Variants in GALNT7 observed in about 807,000 individuals in gnomAD.
GALNT7 encodes the protein N-acetylgalactosaminyltransferase 7.
Under a neutral mutation model 82.1 loss-of-function variants are expected in GALNT7, and 60 were observed. That is an observed-to-expected ratio of 0.73 (90% CI 0.59 to 0.91). The LOEUF (loss-of-function observed/expected upper bound fraction) is 0.91, where lower values mean the gene tolerates loss of function less well. Among genes scored for constraint, GALNT7 ranks in the 40% least tolerant of loss-of-function variants. The pLI is 0.00. For synonymous variants in GALNT7, 243 were observed against 275.1 expected, an observed-to-expected ratio of 0.88 and a Z score of 1.15; for missense variants, 660 against 804.2, an observed-to-expected ratio of 0.82 and a Z score of 2.17.
intron 2 of GALNT7, among the ~76,000 whole-genome samples, chr4:173,258,145 T>C (rs1398084127): frequency 6.6e-6 from 1 of 152,180 alleles, no homozygotes; most frequent in Non-Finnish European, 1.5e-5. Flanking sequence ...CTTATTTAAA[T>C]CAAATACAAA....
chr4:173,297,421 C>G (rs1205937068), intron 5 of GALNT7, among the ~76,000 whole-genome samples: 1 of 152,170 alleles, frequency 6.6e-6, no homozygotes, highest in East Asian at 1.9e-4. Flanking sequence ...CACACGCATG[C>G]ACACGCACAC....
chr4:173,184,894 A>G (rs1258995324), intron 1 of GALNT7, among the ~76,000 whole-genome samples: 1 of 152,204 alleles, frequency 6.6e-6, no homozygotes, highest in Non-Finnish European at 1.5e-5. Context: ...ACAGTTTTAC[A>G]TGATAACCAT....
In GALNT7 at chr4:173,215,232, C is replaced by CTT. The variant is rs571862059; in HGVS notation, c.127-32733_127-32732dup. 3.0e-3 allele frequency among the ~76,000 whole-genome samples: 422 copies of CTT among 139,870 alleles called. 3 individuals are homozygous for CTT. The highest frequency in any genetic ancestry group is 8.5e-3 in the African/African-American group (326 of 38,408). The allele number at this position is 139,870 out of a possible 152,430, so 91.8% of individuals were successfully genotyped here. A position where few individuals can be genotyped will look rare whatever the true frequency, so the allele number is the denominator to read the frequency against. The stretch of plus-strand genomic sequence containing the variant: ...ACCACCAACCTCTGCTCTTCTTCTT[C>CTT]TTTTTTTTTTTTTTTTGATATGGAG... On this transcript the variant is annotated intron_variant, in intron 1 of 11. Transcript: ENST00000265000.
intron 8 of GALNT7, among the ~76,000 whole-genome samples, chr4:173,313,146 T>C (rs752528490): frequency 6.6e-6 from 1 of 152,122 alleles, no homozygotes; most frequent in African/African-American, 2.4e-5. Context: ...ATAGTTCTAT[T>C]ATAGTTATAA....
At chr4:173,215,232 CTTT>C (rs571862059) in intron 1 of GALNT7, among the ~76,000 whole-genome samples, 5 of 139,856 alleles carry the variant, frequency 3.6e-5, no homozygotes, top group Admixed American at 7.2e-5. Context: ...TCTTCTTCTT[CTTT>C]TTTTTTTTTT....
At chr4:173,306,979 T>C (rs1737178713) in intron 8 of GALNT7, among the ~76,000 whole-genome samples, 1 of 152,196 alleles carries the variant, frequency 6.6e-6, no homozygotes. Flanking sequence ...ACTTGCTTGG[T>C]GGGATATAGC....
chr4:173,229,871 A>C (rs927333074), intron 1 of GALNT7, among the ~76,000 whole-genome samples: 2 of 150,902 alleles, frequency 1.3e-5, no homozygotes, highest in African/African-American at 4.9e-5. Context: ...TTTTATCTCC[A>C]TTTTTCTTGG....
chr4:173,279,143 A>T (rs1736017436), intron 2 of GALNT7, among the ~76,000 whole-genome samples: 1 of 152,222 alleles, frequency 6.6e-6, no homozygotes, highest in African/African-American at 2.4e-5. Context: ...AAGAGGTTTA[A>T]TTGGCTCATG....
At chr4:173,200,464 A>C (rs1481517414) in intron 1 of GALNT7, among the ~76,000 whole-genome samples, 2 of 152,106 alleles carry the variant, frequency 1.3e-5, no homozygotes, top group Non-Finnish European at 2.9e-5. Flanking sequence ...AAAAAAAAAG[A>C]ATATCTCGCT....
chr4:173,298,339 G>T (rs768229162), intron 6 of GALNT7, 42 bp downstream of exon 6: 18 of 1,330,820 alleles, frequency 1.4e-5, no homozygotes, highest in Non-Finnish European at 1.6e-5. Flanking sequence ...TTCTCCAGTT[G>T]CTGCTAACCT....
intron 2 of GALNT7, among the ~76,000 whole-genome samples, chr4:173,267,011 A>G (rs892236272): frequency 2.0e-5 from 3 of 151,952 alleles, no homozygotes; most frequent in Non-Finnish European, 2.9e-5. Flanking sequence ...CTAATGGTCA[A>G]TAGGACAGCA....
intron 1 of GALNT7, among the ~76,000 whole-genome samples, chr4:173,206,902 C>T (rs1579910944): frequency 6.6e-6 from 1 of 152,186 alleles, no homozygotes; most frequent in African/African-American, 2.4e-5. Context: ...AATTGTCTAC[C>T]GTTGCCAGGC....
intron 2 of GALNT7, among the ~76,000 whole-genome samples, chr4:173,265,750 T>A (rs781157691): frequency 4.7e-5 from 7 of 149,424 alleles, no homozygotes; most frequent in Non-Finnish European, 1.0e-4. Context: ...TTCTTCCACA[T>A]GTCTTTTCAG....
In GALNT7 at chr4:173,222,927, A is replaced by G. The variant is rs146643202; in HGVS notation, c.127-25053A>G. 5.2e-3 allele frequency among the ~76,000 whole-genome samples: 792 copies of G among 152,358 alleles called. 9 individuals carry two copies. The highest frequency in any genetic ancestry group is 0.018 in the African/African-American group (762 of 41,572). On this transcript the variant is annotated intron_variant, in intron 1 of 11. Coordinates refer to ENST00000265000, the MANE Select transcript of GALNT7 (RefSeq NM_017423.3). Reference sequence around the variant, plus strand: ...TTTAAATAAAATGACTACTAAGGTTAGACTGCTAAGGTTAGAGGTTAGACT... The same window carrying G: ...TTTAAATAAAATGACTACTAAGGTTGGACTGCTAAGGTTAGAGGTTAGACT...
At chr4:173,295,982 T>C in intron 5 of GALNT7, 139 bp downstream of exon 5, 1 of 652,672 alleles carries the variant, frequency 1.5e-6, no homozygotes, top group Non-Finnish European at 2.8e-6. Context: ...TCTATTTGTT[T>C]CCTTGGGTGG....
intron 2 of GALNT7, among the ~76,000 whole-genome samples, chr4:173,261,938 CATTT>C (rs1408967657): frequency 2.0e-5 from 3 of 151,996 alleles, no homozygotes; most frequent in Admixed American, 1.3e-4. Context: ...ATCGTTAATT[CATTT>C]AAGAATAATA....
chr4:173,240,537 T>G (rs983517037), intron 1 of GALNT7, among the ~76,000 whole-genome samples: 1 of 151,836 alleles, frequency 6.6e-6, no homozygotes, highest in Non-Finnish European at 1.5e-5. Context: ...CCTGGCTAAT[T>G]TTTGTATTTT....
chr4:173,222,034 A>T (rs747321866), intron 1 of GALNT7, among the ~76,000 whole-genome samples: 5 of 152,182 alleles, frequency 3.3e-5, no homozygotes, highest in Non-Finnish European at 5.9e-5. Context: ...TGGATGCTGT[A>T]GTTTCTCAGT....
chr4:173,285,701 A>G (rs1434207139), intron 2 of GALNT7, among the ~76,000 whole-genome samples: 2 of 152,252 alleles, frequency 1.3e-5, no homozygotes, highest in African/African-American at 2.4e-5. Context: ...TATCACATGT[A>G]TGACTACACA....
Sources: allele counts gnomAD v4.1 joint callset (sites outside exome capture counted in the v4.1 genomes callset), GRCh38; gene constraint gnomAD v4.1.1; transcripts MANE v1.5; gene names NCBI Gene and HGNC (gene_info 2026-07-23, HGNC 2026-07-21).